Variants in NKAIN1 observed in about 807,000 individuals in gnomAD.
The protein encoded by NKAIN1 is sodium/potassium-transporting ATPase subunit beta-1-interacting protein 1.
Under a neutral mutation model 31.6 loss-of-function variants are expected in NKAIN1, and 13 were observed. The observed-to-expected ratio is 0.41, with a 90% CI of 0.27 to 0.65. The LOEUF (loss-of-function observed/expected upper bound fraction) is 0.65, where lower values mean the gene tolerates loss of function less well. Ranked by LOEUF, NKAIN1 falls within the 30% of genes least tolerant of loss-of-function variation. The pLI, the probability that NKAIN1 is intolerant of heterozygous loss-of-function variation, is 0.30. For missense variants in NKAIN1, 193 were observed against 262.2 expected (o/e 0.74, Z 1.82); for synonymous variants, 104 against 109.0 (o/e 0.95, Z 0.28).
intron 1 of NKAIN1, among the ~76,000 whole-genome samples, chr1:31,188,700 A>C (rs1031130401): frequency 5.3e-5 from 8 of 152,208 alleles, no homozygotes; most frequent in Non-Finnish European, 8.8e-5. Flanking sequence ...CATGCTCTTC[A>C]GTAGTGCCCT....
intron 1 of NKAIN1, among the ~76,000 whole-genome samples, chr1:31,231,968 T>C (rs1176532485): frequency 1.3e-5 from 2 of 151,664 alleles, no homozygotes; most frequent in African/African-American, 4.8e-5. Context: ...GCCCAGGCTG[T>C]AGGGCAGTGG....
chr1:31,183,685 T>C (rs1006042364), intron 4 of NKAIN1, 132 bp downstream of exon 4: 45 of 903,206 alleles, frequency 5.0e-5, no homozygotes, highest in Middle Eastern at 2.3e-4. Context: ...TGACCTCAGG[T>C]GATCCACCAG....
chr1:31,225,624 C>T (rs1645598149), intron 1 of NKAIN1, among the ~76,000 whole-genome samples: 1 of 152,082 alleles, frequency 6.6e-6, no homozygotes, highest in African/African-American at 2.4e-5. Context: ...CACCACGCCT[C>T]ACAGTCCATT....
chr1:31,224,239 C>T (rs1159546003), intron 1 of NKAIN1, among the ~76,000 whole-genome samples: 1 of 152,166 alleles, frequency 6.6e-6, no homozygotes. Context: ...TCTAATTATG[C>T]TCTAATTGCT....
At chr1:31,195,628 G>GA (rs1013841891) in intron 1 of NKAIN1, among the ~76,000 whole-genome samples, 11 of 150,504 alleles carry the variant, frequency 7.3e-5, no homozygotes, top group African/African-American at 1.5e-4. Flanking sequence ...ATTAAAAAAA[G>GA]AAAAAAAAAG....
At chr1:31,186,169 C>A (rs1645240289) in intron 2 of NKAIN1, among the ~76,000 whole-genome samples, 1 of 151,800 alleles carries the variant, frequency 6.6e-6, no homozygotes, top group Admixed American at 6.6e-5. Context: ...TTGAGACCAG[C>A]CTGACCAACA....
intron 1 of NKAIN1, among the ~76,000 whole-genome samples, chr1:31,226,468 G>A (rs139351638): frequency 1.3e-5 from 2 of 152,242 alleles, no homozygotes; most frequent in Non-Finnish European, 2.9e-5. Context: ...CGGTGGCTGG[G>A]GCCAGGCCAG....
rs908437958 is a variant in NKAIN1 at position 31,187,763 on chromosome 1, T to C, written c.192+287A>G. On this transcript the variant is annotated intron_variant, in intron 2 of 6. Transcript: ENST00000373736. ...GCTATTGTAGACATGAGATGAAGCA[T>C]GTGAAATTTCGCAGCGTGCCTGGCA... is the stretch of plus-strand genomic sequence containing the variant. Among the ~76,000 whole-genome samples, 6 of 151,998 alleles carry C rather than the reference T, an allele frequency of 3.9e-5. No homozygotes were observed. The South Asian group carries it at 6.2e-4, about 16-fold the overall frequency.
intron 1 of NKAIN1, among the ~76,000 whole-genome samples, chr1:31,196,614 C>T (rs1252956205): frequency 6.6e-6 from 1 of 151,478 alleles, no homozygotes; most frequent in East Asian, 1.9e-4. Flanking sequence ...TTGAATCAAC[C>T]TCCACCAGGA....
chr1:31,203,399 A>G (rs1267823937), intron 1 of NKAIN1, among the ~76,000 whole-genome samples: 1 of 148,392 alleles, frequency 6.7e-6, no homozygotes, highest in Admixed American at 6.8e-5. Flanking sequence ...GAGTGTGGGA[A>G]GAGGGCCAAG....
chr1:31,210,771 G>A (rs1483199983), intron 1 of NKAIN1, among the ~76,000 whole-genome samples: 1 of 152,210 alleles, frequency 6.6e-6, no homozygotes, highest in Non-Finnish European at 1.5e-5. Flanking sequence ...GTCCAACCCT[G>A]AAGTTAGGGA....
intron 1 of NKAIN1, among the ~76,000 whole-genome samples, chr1:31,211,462 C>T (rs558660654): frequency 9.9e-5 from 15 of 152,214 alleles, no homozygotes; most frequent in Middle Eastern, 3.4e-3. Context: ...AAGTGCAAGA[C>T]CTGTATGCTG....
intron 3 of NKAIN1, among the ~76,000 whole-genome samples, chr1:31,184,216 C>T (rs1645225462): frequency 6.6e-6 from 1 of 152,128 alleles, no homozygotes; most frequent in Non-Finnish European, 1.5e-5. Context: ...TTTGTGTGGA[C>T]TCACAGGGGC....
intron 3 of NKAIN1, among the ~76,000 whole-genome samples, chr1:31,184,548 A>T (rs1313541104): frequency 6.6e-6 from 1 of 152,128 alleles, no homozygotes; most frequent in East Asian, 1.9e-4. Context: ...CAGCAACCAC[A>T]TGAAGTTGCA....
intron 1 of NKAIN1, among the ~76,000 whole-genome samples, chr1:31,195,072 TTTC>T (rs1176569452): frequency 7.9e-5 from 12 of 151,414 alleles, no homozygotes; most frequent in Non-Finnish European, 1.8e-4. Flanking sequence ...CGCCTGACTC[TTTC>T]TTTTTTTCTT....
chr1:31,189,200 A>G (rs1645267880), intron 1 of NKAIN1, among the ~76,000 whole-genome samples: 1 of 152,148 alleles, frequency 6.6e-6, no homozygotes, highest in South Asian at 2.1e-4. Context: ...AGGCCATGCT[A>G]GATCACCCCG....
At chr1:31,204,080 C>A (rs578039927) in intron 1 of NKAIN1, among the ~76,000 whole-genome samples, 18 of 151,998 alleles carry the variant, frequency 1.2e-4, no homozygotes, top group Non-Finnish European at 2.1e-4. Flanking sequence ...AAGTCCTGGG[C>A]AAACTGGGAC....
chr1:31,198,520 C>T (rs915846582), intron 1 of NKAIN1, among the ~76,000 whole-genome samples: 3 of 151,976 alleles, frequency 2.0e-5, no homozygotes, highest in Non-Finnish European at 4.4e-5. Context: ...CCCCACTCGC[C>T]GCAGCCCATC....
intron 1 of NKAIN1, among the ~76,000 whole-genome samples, chr1:31,203,011 C>T (rs1340988385): frequency 2.8e-5 from 4 of 141,262 alleles, no homozygotes; most frequent in Non-Finnish European, 3.0e-5. Flanking sequence ...CAGTGGCTCA[C>T]GCGGGTAATC....
Sources: allele counts gnomAD v4.1 joint callset (sites outside exome capture counted in the v4.1 genomes callset), GRCh38; gene constraint gnomAD v4.1.1; transcripts MANE v1.5; gene names NCBI Gene and HGNC (gene_info 2026-07-23, HGNC 2026-07-21).